Variants in RORA observed in about 807,000 individuals in gnomAD.
The protein encoded by RORA is nuclear receptor ROR-alpha.
Under a neutral mutation model 69.5 loss-of-function variants are expected in RORA, and 7 were observed. The observed-to-expected ratio is 0.10, with a 90% CI of 0.06 to 0.19. RORA has a LOEUF of 0.19. Ranked by LOEUF, RORA falls within the 10% of genes least tolerant of loss-of-function variation. The pLI is 1.00. For synonymous variants in RORA, 261 were observed against 240.8 expected, an observed-to-expected ratio of 1.08 and a Z score of -0.78; for missense variants, 457 against 663.0, an observed-to-expected ratio of 0.69 and a Z score of 3.41.
chr15:60,664,929 G>C (rs11633217), intron 2 of RORA, among the ~76,000 whole-genome samples: 27,118 of 152,132 alleles, frequency 0.18, 2,689 homozygotes, highest in East Asian at 0.26. Flanking sequence ...GCATATGAAG[G>C]CTAAAGGACA....
intron 2 of RORA, among the ~76,000 whole-genome samples, chr15:60,640,402 T>C (rs914058626): frequency 5.9e-5 from 9 of 152,184 alleles, no homozygotes; most frequent in African/African-American, 2.2e-4. Context: ...TTTTCCTCCT[T>C]CTGTTTTTAA....
At chr15:60,521,884 C>A (rs2066178470) in intron 3 of RORA, among the ~76,000 whole-genome samples, 1 of 152,174 alleles carries the variant, frequency 6.6e-6, no homozygotes, top group Admixed American at 6.5e-5. Context: ...CCTTATTTCA[C>A]CTAGCTTTTC....
chr15:61,211,463 C>T (rs1461646625), intron 1 of RORA, among the ~76,000 whole-genome samples: 2 of 152,196 alleles, frequency 1.3e-5, no homozygotes, highest in African/African-American at 2.4e-5. Flanking sequence ...ATCAAACACA[C>T]ACAAAATATT....
At position 60,516,235 on chromosome 15, in the gene RORA, TTA is replaced by T. The variant is rs376358835; in HGVS notation, c.283-1480_283-1479del. ...TATATATATATATTTATATATATAT[TTA>T]TATATATATATTTATATATATATAT... On this transcript the variant is annotated intron_variant, in intron 3 of 10. Coordinates refer to ENST00000335670, the MANE Select transcript of RORA (RefSeq NM_134261.3). Among the ~76,000 whole-genome samples the T allele has an allele frequency of 6.1e-3, 247 of 40,270 alleles. 12 individuals carry two copies. The highest frequency in any genetic ancestry group is 0.036 in the African/African-American group (185 of 5,084). The allele number at this position is 40,270 out of a possible 152,430, so 26.4% of individuals were successfully genotyped here.
chr15:60,695,583 C>T (rs974625175), intron 1 of RORA, among the ~76,000 whole-genome samples: 1 of 152,008 alleles, frequency 6.6e-6, no homozygotes, highest in Non-Finnish European at 1.5e-5. Context: ...ACATAAAACC[C>T]GTGCCTCAGT....
At chr15:61,129,756 C>T (rs1316222191) in intron 1 of RORA, among the ~76,000 whole-genome samples, 2 of 152,222 alleles carry the variant, frequency 1.3e-5, no homozygotes, top group Non-Finnish European at 2.9e-5. Flanking sequence ...AAGGACAATG[C>T]TTCCATCTCC....
intron 1 of RORA, among the ~76,000 whole-genome samples, chr15:60,866,801 C>G (rs56343922): frequency 6.7e-6 from 1 of 148,484 alleles, no homozygotes; most frequent in Admixed American, 6.8e-5. Flanking sequence ...TCTGGGTGTT[C>G]CTGAGTTGTA....
At chr15:60,641,472 C>A (rs1160929125) in intron 2 of RORA, among the ~76,000 whole-genome samples, 3 of 152,068 alleles carry the variant, frequency 2.0e-5, no homozygotes, top group Non-Finnish European at 4.4e-5. Context: ...TGCAATGGCA[C>A]AATCTCAGCT....
intron 2 of RORA, among the ~76,000 whole-genome samples, chr15:60,665,838 C>T (rs1484607797): frequency 6.6e-6 from 1 of 152,068 alleles, no homozygotes; most frequent in African/African-American, 2.4e-5. Context: ...CCATGCCCGG[C>T]TAATTTTTGT....
At chr15:60,518,142 G>C (rs1017657102) in intron 3 of RORA, among the ~76,000 whole-genome samples, 4 of 152,186 alleles carry the variant, frequency 2.6e-5, no homozygotes, top group African/African-American at 9.7e-5. Flanking sequence ...GGGATTCCAA[G>C]TGCGAGCCCA....
At chr15:60,838,264 G>A (rs1241559907) in intron 1 of RORA, among the ~76,000 whole-genome samples, 1 of 145,166 alleles carries the variant, frequency 6.9e-6, no homozygotes, top group Non-Finnish European at 1.5e-5. Context: ...GAAAACAGGT[G>A]TAATTTGTTG....
intron 1 of RORA, among the ~76,000 whole-genome samples, chr15:60,913,815 T>A (rs1208476474): frequency 6.6e-6 from 1 of 152,190 alleles, no homozygotes; most frequent in African/African-American, 2.4e-5. Flanking sequence ...CAACAAAAAA[T>A]ATTTATGCCC....
intron 1 of RORA, among the ~76,000 whole-genome samples, chr15:61,119,599 G>A (rs780216899): frequency 1.1e-4 from 17 of 151,898 alleles, no homozygotes; most frequent in African/African-American, 1.7e-4. Flanking sequence ...CACCATAACC[G>A]GTCATCGGGG....
intron 1 of RORA, among the ~76,000 whole-genome samples, chr15:60,860,549 C>T (rs567732578): frequency 6.6e-6 from 1 of 152,286 alleles, no homozygotes; most frequent in African/African-American, 2.4e-5. Context: ...ACACAACAGC[C>T]TAAGCAAAGC....
intron 1 of RORA, among the ~76,000 whole-genome samples, chr15:61,153,627 T>C (rs568913335): frequency 6.6e-6 from 1 of 152,346 alleles, no homozygotes; most frequent in African/African-American, 2.4e-5. Context: ...TTTGGCTATA[T>C]AATTTTTGTT....
intron 1 of RORA, among the ~76,000 whole-genome samples, chr15:60,960,229 G>C (rs543526195): frequency 2.5e-4 from 38 of 152,288 alleles, no homozygotes; most frequent in African/African-American, 8.7e-4. Context: ...ACATGTTAAA[G>C]AAGAATCTTT....
intron 1 of RORA, among the ~76,000 whole-genome samples, chr15:61,162,224 T>C (rs572488236): frequency 1.6e-4 from 24 of 152,336 alleles, no homozygotes; most frequent in Non-Finnish European, 2.4e-4. Context: ...TCCCCTGCTG[T>C]AGGCATCCAT....
At chr15:60,801,649 C>T (rs1212234498) in intron 1 of RORA, among the ~76,000 whole-genome samples, 1 of 152,174 alleles carries the variant, frequency 6.6e-6, no homozygotes. Context: ...CCTCAAATGC[C>T]CCCAGTGCAG....
At chr15:60,856,692 G>C (rs1567215606) in intron 1 of RORA, among the ~76,000 whole-genome samples, 1 of 152,196 alleles carries the variant, frequency 6.6e-6, no homozygotes, top group Non-Finnish European at 1.5e-5. Flanking sequence ...GCAACTGCAT[G>C]TTTAATTCAA....
Sources: allele counts gnomAD v4.1 joint callset (sites outside exome capture counted in the v4.1 genomes callset), GRCh38; gene constraint gnomAD v4.1.1; transcripts MANE v1.5; gene names NCBI Gene and HGNC (gene_info 2026-07-23, HGNC 2026-07-21).